Variants in SAA2 observed in about 807,000 individuals in gnomAD.
SAA2 encodes serum amyloid A2, also known as serum amyloid A-2 protein.
A neutral mutation model predicts 9.1 loss-of-function variants in SAA2; 5 were observed. The observed-to-expected ratio is 0.55, with a 90% confidence interval of 0.29 to 1.16. The LOEUF (loss-of-function observed/expected upper bound fraction) is 1.16. Among genes scored for constraint, SAA2 ranks in the 50% most tolerant of loss-of-function variants. The probability of loss-of-function intolerance (pLI) is 0.09; values close to 1 mark genes in which losing one functional copy is unlikely to be tolerated. For synonymous variants in SAA2, 49 were observed against 59.8 expected (o/e 0.82, Z 0.83); for missense variants, 94 against 153.8 (o/e 0.61, Z 2.06).
downstream of SAA2, chr11:18,242,566 C>T (rs541201463): frequency 1.9e-6 from 1 of 527,860 alleles, no homozygotes; most frequent in Non-Finnish European, 3.3e-6. Context: ...TAACAGTAGG[C>T]TGGGCTCAGT....
chr11:18,242,645 AGACCAGCCTGGGT>A (rs1857381214), downstream of SAA2: 1 of 608,282 alleles, frequency 1.6e-6, no homozygotes, highest in Non-Finnish European at 3.0e-6. Flanking sequence ...CAGGAGTTCA[AGACCAGCCTGGGT>A]GACACGGCGA....
chr11:18,245,844 C>T, intron 3 of SAA2, 66 bp downstream of exon 3: 8 of 1,576,796 alleles, frequency 5.1e-6, no homozygotes, highest in Admixed American at 1.8e-5. Flanking sequence ...GCTCGTCTCC[C>T]TCCTGACTGT....
At chr11:18,240,103 G>A (rs1008985099) in intron 3 of SAA2, 3 of 1,244,278 alleles carry the variant, frequency 2.4e-6, no homozygotes, top group Non-Finnish European at 3.4e-6. Flanking sequence ...TCATAGGGGA[G>A]GAGAAGATGG....
chr11:18,246,847 A>G (rs1216389173), intron 2 of SAA2, among the ~76,000 whole-genome samples: 1 of 152,226 alleles, frequency 6.6e-6, no homozygotes, highest in East Asian at 1.9e-4. Context: ...TCACCCAGAG[A>G]GAAACTGAAA....
downstream of SAA2, chr11:18,240,322 G>C (rs938101033): frequency 5.7e-6 from 4 of 702,202 alleles, no homozygotes; most frequent in African/African-American, 7.0e-5. Flanking sequence ...CAGGTGGAAG[G>C]CTATTGTTTT....
intron 3 of SAA2, chr11:18,240,040 G>A: frequency 6.5e-7 from 1 of 1,534,448 alleles, no homozygotes; most frequent in South Asian, 1.2e-5. Flanking sequence ...GAAAATCACA[G>A]GAGGGTGATT....
chr11:18,240,328 G>A (rs761288554), downstream of SAA2: 4 of 702,020 alleles, frequency 5.7e-6, no homozygotes, highest in South Asian at 3.0e-5. Context: ...GAAGGCTATT[G>A]TTTTCTCTTT....
downstream of SAA2, chr11:18,242,550 TAAA>T (rs142187343): frequency 5.0e-3 from 2,389 of 481,384 alleles, 44 homozygotes; most frequent in African/African-American, 0.043. Flanking sequence ...GACACAAAAA[TAAA>T]TATAACAGTA....
downstream of SAA2, among the ~76,000 whole-genome samples, chr11:18,238,246 G>C (rs1857249061): frequency 1.3e-5 from 2 of 151,882 alleles, no homozygotes; most frequent in South Asian, 2.1e-4. Flanking sequence ...TTTTTTACTG[G>C]TTTATTGTGT....
chr11:18,243,537 G>C (rs2460824), downstream of SAA2, among the ~76,000 whole-genome samples: 140,022 of 152,240 alleles, frequency 0.92, 64,522 homozygotes, highest in Non-Finnish European at 0.94. Context: ...AATCTTCCAC[G>C]CCTCTCTCCA....
At chr11:18,241,242 TG>T (rs1857337114), downstream of SAA2, among the ~76,000 whole-genome samples, 1 of 152,054 alleles carries the variant, frequency 6.6e-6, no homozygotes, top group Non-Finnish European at 1.5e-5. Flanking sequence ...CAACAGATGT[TG>T]GTGAGGATGT....
exon 4 of SAA2, chr11:18,239,954 T>G: frequency 6.4e-7 from 1 of 1,551,072 alleles, no homozygotes; most frequent in Non-Finnish European, 8.7e-7. Flanking sequence ...CTCTCTACAG[T>G]TCAGCTGAAA....
chr11:18,242,584 G>C (rs1273101959), downstream of SAA2: 11 of 543,442 alleles, frequency 2.0e-5, no homozygotes, highest in Admixed American at 6.6e-5. Flanking sequence ...AGTGACTCAT[G>C]CCTGTAATCC....
Position 18,245,347 on chromosome 11 carries a change from G to A in SAA2, c.*30C>T. 6.2e-7 allele frequency: 1 copy of A among 1,613,422 alleles called. No homozygotes were observed. Among genetic ancestry groups the A allele is most frequent in the East Asian group, 2.2e-5 (1 of 44,868 alleles). On this transcript the variant is annotated 3_prime_UTR_variant, in exon 4 of 4. Transcript: ENST00000256733. ...CCCTGCCCCGAGGGCCTCATAGCCA[G>A]GTCTCCTGAGAGCAGAGTGAAGAGG...
At chr11:18,244,250 C>T (rs1038684003), downstream of SAA2, among the ~76,000 whole-genome samples, 1 of 152,242 alleles carries the variant, frequency 6.6e-6, no homozygotes, top group Non-Finnish European at 1.5e-5. Flanking sequence ...ATACAGTTCA[C>T]TCCAGAGCAC....
rs1323655756 is a variant in SAA2 at position 18,245,267 on chromosome 11, C to A, written c.*110G>T. ...CCACCTCTTAAGCATTTATTAGATG[C>A]CTATTATATGCCATATCTCAGCTTC... On this transcript the variant is annotated 3_prime_UTR_variant, in exon 4 of 4. Transcript: ENST00000256733. The A allele has an allele frequency of 5.2e-6, 8 of 1,527,732 alleles. No homozygotes were observed. Among genetic ancestry groups the A allele is most frequent in the African/African-American group, 4.1e-5 (3 of 72,488 alleles). 94.6% of individuals were successfully genotyped at this position (1,527,732 alleles called of 1,614,324 possible).
chr11:18,246,028 C>A lies in SAA2; in HGVS notation c.112G>T (p.Ala38Ser), dbSNP rs2134143961. 1 of 1,613,588 alleles carries A rather than the reference C, an allele frequency of 6.2e-7. No individual in the cohort carries two copies. Among genetic ancestry groups the A allele is most frequent in the Middle Eastern group, 1.6e-4 (1 of 6,062 alleles). ...TTGGCTTCTCTCATGTCAGAGTAGG[C>A]TCTCCACATGTCCCGAGCCCCTGGA... ...AFDGARDMWR[A>S]YSDMREANYI... Residue 38 changes from alanine (A) to serine (S), a missense_variant, in exon 3 of 4, where the codon GCC (alanine) becomes TCC (serine). Around this residue, in one of 2 missense-constraint regions of SAA2, gnomAD observed 32 missense variants for 95.5 expected, o/e 0.34. Coordinates refer to ENST00000256733, the MANE Select transcript of SAA2 (RefSeq NM_030754.5).
At chr11:18,244,961 G>A (rs1857458803), downstream of SAA2, among the ~76,000 whole-genome samples, 2 of 152,186 alleles carry the variant, frequency 1.3e-5, no homozygotes, top group African/African-American at 4.8e-5. Context: ...AGAACTGAGG[G>A]ACAGAGAAGG....
downstream of SAA2, among the ~76,000 whole-genome samples, chr11:18,244,714 T>C (rs1857450142): frequency 6.6e-6 from 1 of 152,120 alleles, no homozygotes; most frequent in African/African-American, 2.4e-5. Context: ...CAGAAAACAT[T>C]CATAAAAGGA....
Sources: gnomAD v4.1 joint callset for allele counts (sites outside exome capture counted in the v4.1 genomes callset) on GRCh38, gnomAD v4.1.1 for gene constraint, gnomAD v4.1.1 regional missense constraint, MANE v1.5 for transcripts, NCBI Gene and HGNC (gene_info 2026-07-23, HGNC 2026-07-21) for gene names.